The following TRAF2 variants were observed in gnomAD, a reference collection of about 807,000 sequenced individuals.
TRAF2 encodes TNF receptor-associated factor 2.
TRAF2 carries 6 observed loss-of-function variants against 55.6 expected under a neutral mutation model. That is an observed-to-expected ratio of 0.11 (90% CI 0.06 to 0.21). The LOEUF is 0.21. TRAF2 is among the 10% of genes least tolerant of loss of function. The pLI is 1.00. For synonymous variants in TRAF2, 329 were observed against 276.3 expected (o/e 1.19, Z -1.89); for missense variants, 561 against 684.5 (o/e 0.82, Z 2.01).
chr9:136,913,454 T>C (rs1014029690), intron 6 of TRAF2, among the ~76,000 whole-genome samples: 3 of 151,682 alleles, frequency 2.0e-5, no homozygotes, highest in Non-Finnish European at 4.4e-5. Flanking sequence ...CCCACCACCA[T>C]GCCCGGCTAA....
intron 7 of TRAF2, among the ~76,000 whole-genome samples, chr9:136,918,266 A>ATTTATTTAT (rs1339521238): frequency 9.5e-4 from 15 of 15,750 alleles, no homozygotes; most frequent in African/African-American, 2.9e-3. Context: ...TATTTATTTA[A>ATTTATTTAT]TTAATTAATT....
At chr9:136,896,104 C>T (rs1403316118) in intron 1 of TRAF2, among the ~76,000 whole-genome samples, 1 of 152,188 alleles carries the variant, frequency 6.6e-6, no homozygotes, top group Admixed American at 6.5e-5. Flanking sequence ...CCCCCACCCC[C>T]ACTGGAAGTC....
At chr9:136,882,566 TGA>T, upstream of TRAF2, 1 of 641,456 alleles carries the variant, frequency 1.6e-6, no homozygotes, top group Non-Finnish European at 1.9e-6. Context: ...CCTCAGGCAG[TGA>T]GAGGGTGCTG....
intron 2 of TRAF2, 74 bp from the exon 3 acceptor site, chr9:136,899,520 A>C: frequency 6.9e-6 from 10 of 1,446,300 alleles, no homozygotes; most frequent in Non-Finnish European, 9.6e-6. Flanking sequence ...TAGGTTTTTG[A>C]ACTGAAGCAA....
At chr9:136,885,525 T>C (rs1345913531), upstream of TRAF2, among the ~76,000 whole-genome samples, 1 of 152,182 alleles carries the variant, frequency 6.6e-6, no homozygotes, top group African/African-American at 2.4e-5. Flanking sequence ...TTTGAGTGTC[T>C]GGAGGCCATA....
intron 6 of TRAF2, among the ~76,000 whole-genome samples, chr9:136,913,532 C>T (rs1482383906): frequency 1.3e-5 from 2 of 151,670 alleles, no homozygotes; most frequent in African/African-American, 4.8e-5. Context: ...CTCCTGACCT[C>T]GTGATCCACC....
intron 1 of TRAF2, chr9:136,889,740 C>G (rs917097616): frequency 6.6e-6 from 1 of 152,264 alleles, no homozygotes; most frequent in African/African-American, 2.4e-5. Flanking sequence ...ATTACAGGTG[C>G]AAGCCACTGT....
chr9:136,915,855 C>A (rs568782066), intron 6 of TRAF2, among the ~76,000 whole-genome samples: 18 of 152,256 alleles, frequency 1.2e-4, no homozygotes, highest in Middle Eastern at 6.8e-3. Flanking sequence ...GAAACTGATT[C>A]ACAGTTACGG....
intron 1 of TRAF2, among the ~76,000 whole-genome samples, chr9:136,891,475 C>A (rs1440505047): frequency 6.6e-6 from 1 of 151,262 alleles, no homozygotes; most frequent in African/African-American, 2.4e-5. Context: ...AACTCCTGAG[C>A]TCAAGCAATC....
rs537097496 is a variant in TRAF2, at chr9:136,922,651, CGAGGATGGG to C, written c.1139-1191_1139-1183del. Among the ~76,000 whole-genome samples the C allele has an allele frequency of 6.2e-3, 381 of 61,866 alleles. 6 individuals are homozygous for C. The highest frequency in any genetic ancestry group is 0.026 in the African/African-American group (373 of 14,122). 40.6% of individuals were successfully genotyped at this position (61,866 alleles called of 152,430 possible). On this transcript the variant is annotated intron_variant, in intron 9 of 10. Transcript: ENST00000247668. ...ATGGGCCTGGGGGCACGGTGGAGGA[CGAGGATGGG>C]GAGGATGGGCCTGGGGGCGTGTGGA...
At chr9:136,886,565 G>T in intron 1 of TRAF2, 24 bp downstream of exon 1, 1 of 983,226 alleles carries the variant, frequency 1.0e-6, no homozygotes, top group Non-Finnish European at 1.2e-6. Flanking sequence ...GGGGTCGGGT[G>T]CGGGGTCGGG....
intron 9 of TRAF2, among the ~76,000 whole-genome samples, chr9:136,923,052 G>A (rs2131335104): frequency 6.6e-6 from 1 of 152,306 alleles, no homozygotes; most frequent in South Asian, 2.1e-4. Flanking sequence ...TCTGTCATGT[G>A]ACTTGGAAAG....
At chr9:136,915,916 G>A (rs990006360) in intron 6 of TRAF2, among the ~76,000 whole-genome samples, 2 of 151,920 alleles carry the variant, frequency 1.3e-5, no homozygotes, top group African/African-American at 4.8e-5. Context: ...TGGCATGTGT[G>A]GGTTTGGTTT....
rs1849752021 is a variant in TRAF2, at chr9:136,898,990, C to T, written c.188+62C>T. 4.0e-6 allele frequency: 6 copies of T among 1,500,702 alleles called. No individual in the cohort carries two copies. In the African/African-American group the frequency reaches 5.5e-5, roughly 14 times the overall value. The allele number at this position is 1,500,702 out of a possible 1,614,324, so 93.0% of individuals were successfully genotyped here. On this transcript the variant is annotated intron_variant, in intron 2 of 10. Transcript: ENST00000247668. ...AGGCTAGGCTGGTTTTAGAGCCACG[C>T]TGCCCAGCCTGGTAGCTCCCAGCAG... is the stretch of plus-strand genomic sequence containing the variant.
intron 1 of TRAF2, 59 bp downstream of exon 1, chr9:136,886,600 G>A (rs1168240094): frequency 1.0e-6 from 1 of 974,598 alleles, no homozygotes; most frequent in Non-Finnish European, 1.2e-6. Context: ...CGGGTGCGGG[G>A]TCGGGCGCGG....
At chr9:136,924,949 G>T (rs886860753) in intron 10 of TRAF2, among the ~76,000 whole-genome samples, 2 of 152,198 alleles carry the variant, frequency 1.3e-5, no homozygotes, top group African/African-American at 2.4e-5. Context: ...ATGTTGGCCA[G>T]GCTGGTCTTG....
chr9:136,898,175 C>T (rs553550615), intron 1 of TRAF2, among the ~76,000 whole-genome samples: 1 of 152,322 alleles, frequency 6.6e-6, no homozygotes, highest in Non-Finnish European at 1.5e-5. Context: ...TACATTCCCG[C>T]TCTAGGGGCT....
chr9:136,910,709 CCAGGCCTGCCCGCGGGCTCAGCCTGA>C (rs898996213), intron 6 of TRAF2, among the ~76,000 whole-genome samples: 1 of 152,202 alleles, frequency 6.6e-6, no homozygotes, highest in Non-Finnish European at 1.5e-5. Context: ...GTCAGGCTGG[CCAGGCCTGCCCGCGGGCTCAGCCTGA>C]CAGGTGTGTG....
At chr9:136,907,166 C>T (rs1371728551) in intron 4 of TRAF2, among the ~76,000 whole-genome samples, 2 of 152,244 alleles carry the variant, frequency 1.3e-5, no homozygotes, top group African/African-American at 4.8e-5. Flanking sequence ...TCCCTTGCCA[C>T]CCTGGCCATC....
Sources: gnomAD v4.1 joint callset for allele counts (sites outside exome capture counted in the v4.1 genomes callset) on GRCh38, gnomAD v4.1.1 for gene constraint, MANE v1.5 for transcripts, NCBI Gene and HGNC (gene_info 2026-07-23, HGNC 2026-07-21) for gene names.